Variants in COL24A1 observed in about 807,000 individuals in gnomAD.
COL24A1 encodes collagen type XXIV alpha 1 chain.
Under a neutral mutation model 253.9 loss-of-function variants are expected in COL24A1, and 224 were observed. That is an observed-to-expected ratio of 0.88 (90% CI 0.79 to 0.99). The LOEUF is 0.99. Ranked by LOEUF, COL24A1 falls within the 50% of genes least tolerant of loss-of-function variation. COL24A1 has a pLI of 0.00. For synonymous variants in COL24A1, 685 were observed against 673.7 expected, an observed-to-expected ratio of 1.02 and a Z score of -0.26; for missense variants, 2,131 against 2,068.5, an observed-to-expected ratio of 1.03 and a Z score of -0.59.
At chr1:85,961,351 T>C in intron 23 of COL24A1, 58 bp from the exon 24 acceptor site, 1 of 1,323,464 alleles carries the variant, frequency 7.6e-7, no homozygotes, top group Admixed American at 1.9e-5. Flanking sequence ...AGATTATTCA[T>C]GACAGTTTCA....
chr1:85,935,186 T>G (rs969810560), intron 24 of COL24A1, among the ~76,000 whole-genome samples: 1 of 118,106 alleles, frequency 8.5e-6, no homozygotes, highest in South Asian at 4.0e-4. Flanking sequence ...TTTTAAACAT[T>G]TATTTAAAAG....
At chr1:85,755,970 G>A (rs553451799) in intron 55 of COL24A1, among the ~76,000 whole-genome samples, 2 of 143,550 alleles carry the variant, frequency 1.4e-5, no homozygotes, top group African/African-American at 5.1e-5. Flanking sequence ...GCAACCCAAC[G>A]GATGGAAAAA....
At chr1:86,040,856 TC>T (rs1379900680) in intron 12 of COL24A1, among the ~76,000 whole-genome samples, 1 of 152,116 alleles carries the variant, frequency 6.6e-6, no homozygotes, top group Non-Finnish European at 1.5e-5. Flanking sequence ...TTAACTGCAT[TC>T]TTTTCCTAAA....
chr1:85,995,255 A>ATT (rs918030608), intron 19 of COL24A1, among the ~76,000 whole-genome samples: 22 of 150,194 alleles, frequency 1.5e-4, no homozygotes, highest in African/African-American at 4.9e-4. Flanking sequence ...AATTAAAAAA[A>ATT]TTTTTTTTTT....
chr1:85,978,917 C>T (rs1196948474), intron 20 of COL24A1, among the ~76,000 whole-genome samples: 4 of 152,096 alleles, frequency 2.6e-5, no homozygotes, highest in Non-Finnish European at 4.4e-5. Context: ...GAACATTCTC[C>T]AAGATAGATC....
intron 5 of COL24A1, among the ~76,000 whole-genome samples, chr1:86,105,193 G>T (rs965917221): frequency 2.1e-4 from 32 of 152,302 alleles, no homozygotes; most frequent in African/African-American, 7.5e-4. Flanking sequence ...CTGCAATAGC[G>T]GTATGGCAGA....
intron 7 of COL24A1, among the ~76,000 whole-genome samples, 171 bp downstream of exon 7, chr1:86,089,003 G>T (rs981580559): frequency 6.6e-6 from 1 of 151,768 alleles, no homozygotes; most frequent in African/African-American, 2.4e-5. Context: ...CTGAGAAAAG[G>T]AATTTTAAAA....
At chr1:86,031,310 T>G (rs892378039) in intron 14 of COL24A1, among the ~76,000 whole-genome samples, 3 of 151,922 alleles carry the variant, frequency 2.0e-5, no homozygotes, top group African/African-American at 7.3e-5. Flanking sequence ...GTAGAAAGAA[T>G]AAGATCTAGT....
At chr1:85,772,116 A>C in intron 53 of COL24A1, among the ~76,000 whole-genome samples, 1 of 150,024 alleles carries the variant, frequency 6.7e-6, no homozygotes, top group Non-Finnish European at 1.5e-5. Context: ...ATGTCCCTAC[A>C]AAGGACATGA....
intron 52 of COL24A1, among the ~76,000 whole-genome samples, chr1:85,777,197 C>T (rs550647986): frequency 3.7e-4 from 57 of 152,144 alleles, no homozygotes; most frequent in Non-Finnish European, 6.9e-4. Context: ...ATCCGCCCGC[C>T]TCAGCCTCCC....
At chr1:85,780,201 A>T (rs548537612) in intron 52 of COL24A1, among the ~76,000 whole-genome samples, 1 of 152,226 alleles carries the variant, frequency 6.6e-6, no homozygotes, top group East Asian at 1.9e-4. Context: ...TTACATATCC[A>T]GTAACTTTGG....
At chr1:85,778,289 A>G (rs188022491) in intron 52 of COL24A1, among the ~76,000 whole-genome samples, 2 of 152,078 alleles carry the variant, frequency 1.3e-5, no homozygotes, top group East Asian at 3.9e-4. Flanking sequence ...TTTTTTGTAG[A>G]GATGGGATCT....
intron 11 of COL24A1, among the ~76,000 whole-genome samples, chr1:86,047,619 T>A (rs1700003037): frequency 6.6e-6 from 1 of 152,064 alleles, no homozygotes; most frequent in African/African-American, 2.4e-5. Context: ...TACACACATA[T>A]ATATGTTTAT....
chr1:85,738,268 G>A (rs1214374078), intron 57 of COL24A1, among the ~76,000 whole-genome samples: 1 of 151,970 alleles, frequency 6.6e-6, no homozygotes, highest in Non-Finnish European at 1.5e-5. Context: ...ATCTCTTGAA[G>A]GAAAAATATA....
intron 39 of COL24A1, among the ~76,000 whole-genome samples, chr1:85,846,907 A>G (rs1677196883): frequency 6.6e-6 from 1 of 152,166 alleles, no homozygotes. Flanking sequence ...TCCTCAGACA[A>G]CAAATGGATT....
At chr1:85,918,560 G>T (rs1297783415) in intron 24 of COL24A1, among the ~76,000 whole-genome samples, 1 of 152,088 alleles carries the variant, frequency 6.6e-6, no homozygotes, top group Non-Finnish European at 1.5e-5. Context: ...TATATCAGTG[G>T]TAAGGAATGT....
intron 24 of COL24A1, among the ~76,000 whole-genome samples, chr1:85,914,514 C>T (rs1186067541): frequency 6.6e-6 from 1 of 151,894 alleles, no homozygotes; most frequent in Non-Finnish European, 1.5e-5. Context: ...CCTCAGCCTC[C>T]TGAATGGCTG....
rs1473210961 is a variant in COL24A1, at chr1:85,744,709, T to C, written c.4629A>G (p.Arg1543=). The change falls in exon 57 of 60, where the codon CGA becomes CGG. Residue 1543 remains arginine, a synonymous_variant. Coordinates refer to ENST00000370571, the MANE Select transcript of COL24A1 (RefSeq NM_152890.7). ...CACAGTTAAGTAAATCTTTGCAGAT[T>C]CGTGCTGGGTTATCTCGTGTGCCAA... is the stretch of plus-strand genomic sequence containing the variant. ...NPLGTRDNPA[R]ICKDLLNCEQ... 11 of 1,609,384 alleles carry C rather than the reference T, an allele frequency of 6.8e-6. No individual in the cohort carries two copies. The East Asian group carries it at 1.8e-4, about 26-fold the overall frequency.
intron 24 of COL24A1, among the ~76,000 whole-genome samples, chr1:85,927,938 C>A (rs1317209872): frequency 1.5e-5 from 2 of 131,238 alleles, no homozygotes; most frequent in East Asian, 2.5e-4. Flanking sequence ...CTGTACATCA[C>A]CATCATCAAA....
Sources: allele counts gnomAD v4.1 joint callset (sites outside exome capture counted in the v4.1 genomes callset), GRCh38; gene constraint gnomAD v4.1.1; transcripts MANE v1.5; gene names NCBI Gene and HGNC (gene_info 2026-07-23, HGNC 2026-07-21).